UNC79: variants seen among roughly 807,000 people sequenced by gnomAD.
The protein encoded by UNC79 is unc-79 subunit of NALCN channel complex.
A neutral mutation model predicts 283.1 loss-of-function variants in UNC79; 37 were observed. The observed-to-expected ratio is 0.13, with a 90% CI of 0.10 to 0.17. UNC79 has a LOEUF of 0.17. Among genes scored for constraint, UNC79 ranks in the 10% least tolerant of loss-of-function variants. The pLI is 1.00. For missense variants in UNC79, 2,272 were observed against 3,211.1 expected, an observed-to-expected ratio of 0.71 and a Z score of 7.07; for synonymous variants, 1,107 against 1,200.2, an observed-to-expected ratio of 0.92 and a Z score of 1.61.
chr14:93,660,563 A>ATATATATATATG (rs1203621990), intron 39 of UNC79, among the ~76,000 whole-genome samples: 20 of 64,768 alleles, frequency 3.1e-4, no homozygotes, highest in African/African-American at 7.0e-4. Context: ...ATATATATAT[A>ATATATATATATG]TGTGTGTGTG....
rs189941990 is a variant in UNC79 at position 93,703,858 on chromosome 14, G to A, written c.7549-767G>A. Reference sequence around the variant, plus strand: ...TAGAGTGCCATGGGACACAGTTTGAGGAATGCCATATTCTGTCTCCGACTT... The same window carrying A: ...TAGAGTGCCATGGGACACAGTTTGAAGAATGCCATATTCTGTCTCCGACTT... On this transcript the variant is annotated intron_variant, in intron 47 of 48. Coordinates refer to ENST00000555664, the Ensembl canonical transcript of UNC79. Among the ~76,000 whole-genome samples the A allele has an allele frequency of 3.3e-5, 5 of 152,306 alleles. No homozygotes were observed. In the East Asian group the frequency reaches 5.8e-4, roughly 18 times the overall value.
intron 1 of UNC79, among the ~76,000 whole-genome samples, chr14:93,361,802 A>C (rs933479013): frequency 1.6e-4 from 24 of 152,174 alleles, no homozygotes; most frequent in African/African-American, 5.3e-4. Flanking sequence ...AAGCTTTTAC[A>C]CATTCAGTGT....
chr14:93,536,684 A>G (rs1231029514), intron 11 of UNC79, among the ~76,000 whole-genome samples: 1 of 151,882 alleles, frequency 6.6e-6, no homozygotes, highest in East Asian at 1.9e-4. Context: ...GCTCCTGGGA[A>G]TGATGACTTA....
At chr14:93,484,386 T>C (rs1405289853) in intron 4 of UNC79, among the ~76,000 whole-genome samples, 1 of 152,230 alleles carries the variant, frequency 6.6e-6, no homozygotes, top group Non-Finnish European at 1.5e-5. Context: ...TGCAAATAAC[T>C]TGATGATCTC....
rs10141497 is a variant in UNC79, at chr14:93,560,614, A to T, written c.1756-11280A>T. On this transcript the variant is annotated intron_variant, in intron 14 of 48. Coordinates refer to ENST00000555664, the Ensembl canonical transcript of UNC79. ...TGGAATAACTCTTTTTTGTCATCTCAGTGTCATGAGGGGAACAGGGAGCTC... is the reference window on the plus strand; with the variant it reads ...TGGAATAACTCTTTTTTGTCATCTCTGTGTCATGAGGGGAACAGGGAGCTC... Among the ~76,000 whole-genome samples, 12 of 151,978 alleles carry T rather than the reference A, an allele frequency of 7.9e-5. No homozygotes were observed. The East Asian group carries it at 1.4e-3, about 17-fold the overall frequency.
intron 30 of UNC79, 48 bp from the exon 33 acceptor site, chr14:93,630,753 T>A: frequency 2.7e-6 from 4 of 1,496,090 alleles, no homozygotes; most frequent in Non-Finnish European, 2.8e-6. Flanking sequence ...GTTCTTGAAC[T>A]TGCTTTTAAT....
intron 1 of UNC79, among the ~76,000 whole-genome samples, chr14:93,422,723 C>G (rs1011059960): frequency 6.6e-6 from 1 of 151,926 alleles, no homozygotes; most frequent in African/African-American, 2.4e-5. Flanking sequence ...AATCAACATA[C>G]AAAAATCAGT....
exon 27 of UNC79, chr14:93,612,927 T>C (rs2139764900): frequency 6.2e-7 from 1 of 1,614,152 alleles, no homozygotes; most frequent in East Asian, 2.2e-5. Flanking sequence ...AAAGCAGCGC[T>C]GAGTCAGACA....
intron 20 of UNC79, among the ~76,000 whole-genome samples, chr14:93,583,317 CAAAA>C (rs112879763): frequency 8.0e-6 from 1 of 124,600 alleles, no homozygotes. Flanking sequence ...AAACTCTGCT[CAAAA>C]AAAAAAAAAA....
chr14:93,432,330 G>A lies in UNC79; in HGVS notation c.22+1279G>A, dbSNP rs151145210. On this transcript the variant is annotated intron_variant, in intron 1 of 48. Transcript: ENST00000555664. ...ACTTCTTTATGTTTTTTTGGAATCC[G>A]GAAGATCTGAGTTTCAATCTTAGTT... Among the ~76,000 whole-genome samples, 1,126 of 152,202 alleles carry A rather than the reference G, an allele frequency of 7.4e-3. 6 individuals are homozygous for A. The highest frequency in any genetic ancestry group is 0.019 in the South Asian group (92 of 4,820).
chr14:93,598,388 GTGTGTGTGTGTGTGTGTGTGT>G (rs1309632735), intron 24 of UNC79, among the ~76,000 whole-genome samples: 4 of 151,714 alleles, frequency 2.6e-5, no homozygotes, highest in Non-Finnish European at 5.9e-5. Context: ...GTGTGTGTGT[GTGTGTGTGTGTGTGTGTGTGT>G]GGCAGATTTT....
chr14:93,632,561 G>A (rs759858579), intron 31 of UNC79, among the ~76,000 whole-genome samples: 13 of 151,904 alleles, frequency 8.6e-5, no homozygotes, highest in African/African-American at 9.7e-5. Context: ...TTAGCCAGGC[G>A]TGGTGGCGCG....
chr14:93,352,373 C>T (rs1032902132), intron 1 of UNC79, among the ~76,000 whole-genome samples: 3 of 152,190 alleles, frequency 2.0e-5, no homozygotes, highest in Admixed American at 2.0e-4. Flanking sequence ...GACAGCTTTA[C>T]CCTCCTAGCT....
At chr14:93,390,724 T>G (rs574740157) in intron 1 of UNC79, among the ~76,000 whole-genome samples, 16 of 152,304 alleles carry the variant, frequency 1.1e-4, no homozygotes, top group Non-Finnish European at 2.4e-4. Context: ...ATCAAAAATT[T>G]TGAGTATTCT....
chr14:93,570,555 G>A (rs1228271376), intron 14 of UNC79, among the ~76,000 whole-genome samples: 1 of 152,184 alleles, frequency 6.6e-6, no homozygotes, highest in Non-Finnish European at 1.5e-5. Context: ...ATGTGCAGGA[G>A]GAAGGTGGTG....
intron 11 of UNC79, 31 bp downstream of exon 11, chr14:93,532,609 A>G (rs2060881410): frequency 1.2e-6 from 2 of 1,608,830 alleles, no homozygotes; most frequent in Non-Finnish European, 1.7e-6. Flanking sequence ...TCGTTGGGGC[A>G]TGATTTATTG....
At chr14:93,593,967 T>C in intron 23 of UNC79, 130 bp downstream of exon 23, 1 of 1,056,984 alleles carries the variant, frequency 9.5e-7, no homozygotes. Context: ...GCTGGTGTCC[T>C]TTGGGGGTTC....
intron 9 of UNC79, 110 bp downstream of exon 9, chr14:93,528,756 T>C: frequency 9.7e-7 from 1 of 1,032,392 alleles, no homozygotes; most frequent in South Asian, 1.5e-5. Context: ...CTAGCCTCTC[T>C]GATTTTTAAA....
At chr14:93,436,612 T>A (rs183010324) in intron 1 of UNC79, among the ~76,000 whole-genome samples, 205 of 152,300 alleles carry the variant, frequency 1.3e-3, no homozygotes, top group African/African-American at 4.7e-3. Flanking sequence ...GTTGGGATTC[T>A]TGTTTTGCAG....
Sources: gnomAD v4.1 joint callset for allele counts (sites outside exome capture counted in the v4.1 genomes callset) on GRCh38, gnomAD v4.1.1 for gene constraint, MANE v1.5 for transcripts, NCBI Gene and HGNC (gene_info 2026-07-23, HGNC 2026-07-21) for gene names.